DUOX2: variants seen among roughly 807,000 people sequenced by gnomAD.
DUOX2 encodes the protein dual oxidase 2.
In DUOX2, 185 loss-of-function variants were observed where a neutral mutation model predicts 183.3. The ratio of observed to expected loss-of-function variants is 1.01; its 90% CI spans 0.90 to 1.14. The LOEUF is 1.14. Among genes scored for constraint, DUOX2 ranks in the 50% most tolerant of loss-of-function variants. The probability of loss-of-function intolerance (pLI) is 0.00; values close to 1 mark genes in which losing one functional copy is unlikely to be tolerated. For synonymous variants in DUOX2, 788 were observed against 812.4 expected (o/e 0.97, Z 0.51); for missense variants, 1,999 against 2,022.9 (o/e 0.99, Z 0.23).
In DUOX2 at chr15:45,110,467, T is replaced by G; in HGVS notation, c.1001A>C (p.Gln334Pro). The change falls in exon 9 of 34, where the codon CAG becomes CCG. Residue 334 changes from glutamine to proline, a missense_variant. Physicochemically the swap from Gln to Pro is moderately conservative, Grantham distance 76 (BLOSUM62 -1). Transcript: ENST00000389039. Reference protein sequence around the residue: ...ISPEFVVASEQFFSTMVPPGV... With the variant: ...ISPEFVVASEPFFSTMVPPGV... ...AGGGGGCACCATGGTAGAGAAGAACTGCTCAGAGGCCACCACAAATTCCGG... is the reference window on the plus strand; with the variant it reads ...AGGGGGCACCATGGTAGAGAAGAACGGCTCAGAGGCCACCACAAATTCCGG... The G allele has an allele frequency of 6.2e-7, 1 of 1,614,138 alleles. No homozygotes were observed. Among genetic ancestry groups the G allele is most frequent in the Non-Finnish European group, 8.5e-7 (1 of 1,180,010 alleles).
rs269868 is a variant in DUOX2, at chr15:45,099,877, G to A, written c.3200C>T (p.Ser1067Leu). Residue 1067 changes from serine to leucine, a missense_variant, in exon 25 of 34, where the codon TCG (serine) becomes TTG (leucine). Physicochemically the swap from Ser to Leu is moderately radical, Grantham distance 145. Around this residue, in one of 3 missense-constraint regions of DUOX2, gnomAD observed 1,628 missense variants for 1,608.6 expected, o/e 1.01. Coordinates refer to ENST00000389039, the MANE Select transcript of DUOX2 (RefSeq NM_001363711.2). ...GGTCTGTGCAATGTCCGAGGGTGGCGAGGCAAAGCCATAGTCTGGGGCCGG... is the reference window on the plus strand; with the variant it reads ...GGTCTGTGCAATGTCCGAGGGTGGCAAGGCAAAGCCATAGTCTGGGGCCGG... ...ADRAYYYGFASPPSDIAQTTL... is the reference protein window; with the variant it reads ...ADRAYYYGFALPPSDIAQTTL... 1,435,068 of 1,613,952 alleles carry A rather than the reference G, an allele frequency of 0.89. 655,306 individuals are homozygous for A. Among genetic ancestry groups the A allele is most frequent in the East Asian group, 0.94 (42,307 of 44,860 alleles).
At chr15:45,113,274 A>T in intron 2 of DUOX2, 68 bp downstream of exon 2, 2 of 1,528,532 alleles carry the variant, frequency 1.3e-6, no homozygotes, top group East Asian at 2.5e-5. Flanking sequence ...CGCTTGCCGC[A>T]CCTCTCCCCG....
chr15:45,110,115 A>AT, intron 9 of DUOX2, 135 bp from the exon 10 acceptor site: 1 of 848,960 alleles, frequency 1.2e-6, no homozygotes, highest in South Asian at 1.4e-5. Flanking sequence ...CACGGCAGAG[A>AT]TTTGGTGATG....
chr15:45,112,017 G>A (rs1256001833), intron 4 of DUOX2, 62 bp from the exon 5 acceptor site: 1 of 1,584,590 alleles, frequency 6.3e-7, no homozygotes, highest in Non-Finnish European at 8.6e-7. Flanking sequence ...CCACGGCCAG[G>A]GCGGCCTCCA....
chr15:45,098,720 C>CA (rs1893972959), intron 26 of DUOX2, among the ~76,000 whole-genome samples: 4 of 138,724 alleles, frequency 2.9e-5, no homozygotes, highest in Non-Finnish European at 6.3e-5. Context: ...TTTTTTTTTT[C>CA]AAGACAGAGT....
intron 26 of DUOX2, chr15:45,099,013 C>CT (rs1285199068): frequency 0.036 from 8,072 of 224,794 alleles, 22 homozygotes; most frequent in South Asian, 0.076. Context: ...CTATTTCTTT[C>CT]TTTTTTTTTT....
At position 45,107,435 on chromosome 15, in the gene DUOX2, T is replaced by C. The variant is rs1894249421; in HGVS notation, c.1603A>G (p.Ile535Val). The change falls in exon 14 of 34, where the codon ATC (isoleucine) becomes GTC (valine). Residue 535 changes from isoleucine (I) to valine (V), a missense_variant. This residue lies in a region of DUOX2 where 1,628 missense variants were observed against 1,608.6 expected (regional missense o/e 1.01). Transcript: ENST00000389039. ...ACGTCCCGCAGGGTGGTATTTCGGATGTCTTCAATCTCCTTCTTGGAGAAC... is the reference window on the plus strand; with the variant it reads ...ACGTCCCGCAGGGTGGTATTTCGGACGTCTTCAATCTCCTTCTTGGAGAAC... ...GLFSKKEIED[I>V]RNTTLRDVLV... 6.2e-7 allele frequency: 1 copy of C among 1,614,212 alleles called. No homozygotes were observed. Among genetic ancestry groups the C allele is most frequent in the East Asian group, 2.2e-5 (1 of 44,872 alleles).
At chr15:45,100,643 G>A (rs1451771569) in intron 23 of DUOX2, 112 bp downstream of exon 23, 2 of 929,874 alleles carry the variant, frequency 2.2e-6, no homozygotes, top group South Asian at 2.6e-5. Flanking sequence ...AGGAACAAAT[G>A]GAATGAGACT....
At position 45,106,227 on chromosome 15, in the gene DUOX2, G is replaced by A; in HGVS notation, c.2046C>T (p.Leu682=). Residue 682 remains leucine, a synonymous_variant, in exon 17 of 34, where the codon CTC becomes CTT. Coordinates refer to ENST00000389039, the MANE Select transcript of DUOX2 (RefSeq NM_001363711.2). ...GCAGAGGCTGCAGCTGGACCACACG[G>A]AGCACAGTGAGATGCCTGTTCAGGA... ...LQVLNRHLTV[L]RVVQLQPLQQ... is the part of the protein sequence containing the mutation. 2 of 1,614,156 alleles carry A rather than the reference G, an allele frequency of 1.2e-6. No individual in the cohort carries two copies. The highest frequency in any genetic ancestry group is 8.5e-7 in the Non-Finnish European group (1 of 1,180,016).
rs1296280025 is a variant in DUOX2 at position 45,109,490 on chromosome 15, C to T, written c.1234+34G>A. 2.5e-6 allele frequency: 4 copies of T among 1,603,208 alleles called. No homozygotes were observed. The African/African-American group carries it at 5.4e-5, about 21-fold the overall frequency. On this transcript the variant is annotated intron_variant, in intron 11 of 33. Transcript: ENST00000389039. ...AGAGGGATCCTCAGGCTTCCTGGTC[C>T]CTTACCATCCACCCCTTCTGGCTCT...
rs147772932 is a variant in DUOX2 at position 45,099,845 on chromosome 15, C to T, written c.3232G>A (p.Val1078Met). The T allele has an allele frequency of 4.2e-4, 681 of 1,614,182 alleles. 1 individual carries two copies. The highest frequency in any genetic ancestry group is 3.1e-3 in the African/African-American group (232 of 75,044). The change falls in exon 25 of 34, where the codon GTG (valine) becomes ATG (methionine). Residue 1078 changes from valine to methionine, a missense_variant. Val to Met is a conservative substitution (Grantham distance 21). Coordinates refer to ENST00000389039, the MANE Select transcript of DUOX2 (RefSeq NM_001363711.2). ...GTGCCTCGTGACAGGATGATGCCCA[C>T]GAGGGTGGTCTGTGCAATGTCCGAG... is the stretch of plus-strand genomic sequence containing the variant. ...PPSDIAQTTL[V>M]GIILSRGTAA... is the part of the protein sequence containing the mutation.
intron 1 of DUOX2, 49 bp from the exon 2 acceptor site, chr15:45,113,474 A>C (rs1262326927): frequency 6.9e-7 from 1 of 1,457,216 alleles, no homozygotes; most frequent in African/African-American, 1.4e-5. Flanking sequence ...AGCCACTGTT[A>C]GGGCGTCCTC....
intron 15 of DUOX2, 23 bp from the exon 16 acceptor site, chr15:45,106,664 G>C: frequency 6.2e-7 from 1 of 1,613,526 alleles, no homozygotes; most frequent in East Asian, 2.2e-5. Context: ...AGAAGGAACA[G>C]TGAGGAGGGA....
At chr15:45,101,384 C>A (rs1894078185) in intron 21 of DUOX2, 110 bp from the exon 22 acceptor site, 3 of 957,926 alleles carry the variant, frequency 3.1e-6, no homozygotes, top group Admixed American at 2.0e-5. Context: ...ATCTCTGACT[C>A]GAGTCCTGTT....
At chr15:45,095,337 G>T in intron 31 of DUOX2, 100 bp downstream of exon 31, 1 of 1,563,324 alleles carries the variant, frequency 6.4e-7, no homozygotes, top group Non-Finnish European at 8.8e-7. Flanking sequence ...TTCAGACTCA[G>T]TTCCTGGAGC....
chr15:45,099,262 G>A (rs62025102), intron 26 of DUOX2, 121 bp downstream of exon 26: 14 of 781,838 alleles, frequency 1.8e-5, no homozygotes, highest in Admixed American at 8.2e-5. Flanking sequence ...CGCCCACCTC[G>A]GCCTCCCAAA....
chr15:45,107,264 C>T (rs980567641), intron 14 of DUOX2, 81 bp downstream of exon 14: 2 of 1,554,832 alleles, frequency 1.3e-6, no homozygotes, highest in African/African-American at 2.7e-5. Flanking sequence ...CCCTGGACAG[C>T]ACCAAGTGAT....
intron 27 of DUOX2, 101 bp from the exon 28 acceptor site, chr15:45,097,842 T>A (rs1893946666): frequency 6.3e-7 from 1 of 1,598,482 alleles, no homozygotes; most frequent in African/African-American, 1.3e-5. Flanking sequence ...TCCTCTCTCA[T>A]CCCTCCGGGG....
intron 11 of DUOX2, chr15:45,109,181 T>C: frequency 1.6e-6 from 1 of 627,500 alleles, no homozygotes; most frequent in South Asian, 1.9e-5. Context: ...TCAAGACTGT[T>C]CTAGTCACCA....
Sources: gnomAD v4.1 joint callset for allele counts (sites outside exome capture counted in the v4.1 genomes callset) on GRCh38, gnomAD v4.1.1 for gene constraint, gnomAD v4.1.1 regional missense constraint, MANE v1.5 for transcripts, NCBI Gene and HGNC (gene_info 2026-07-23, HGNC 2026-07-21) for gene names.